The following PARM1 variants were observed in gnomAD, a reference collection of about 807,000 sequenced individuals.
PARM1 encodes the protein prostate androgen-regulated mucin-like protein 1.
In PARM1, 14 loss-of-function variants were observed where a neutral mutation model predicts 24.6. That is an observed-to-expected ratio of 0.57 (90% CI 0.38 to 0.89). PARM1 has a LOEUF of 0.89. PARM1 is among the 40% of genes least tolerant of loss of function. The probability of loss-of-function intolerance (pLI) is 0.00; values close to 1 mark genes in which losing one functional copy is unlikely to be tolerated. For synonymous variants in PARM1, 179 were observed against 156.6 expected, an observed-to-expected ratio of 1.14 and a Z score of -1.07; for missense variants, 362 against 380.4, an observed-to-expected ratio of 0.95 and a Z score of 0.40.
intron 1 of PARM1, among the ~76,000 whole-genome samples, chr4:74,985,455 A>C (rs1182981692): frequency 1.3e-5 from 2 of 152,194 alleles, no homozygotes; most frequent in Admixed American, 6.5e-5. Context: ...GGTCCATTTC[A>C]TCCTTATCAC....
intron 2 of PARM1, among the ~76,000 whole-genome samples, chr4:75,024,399 G>A (rs1723144935): frequency 6.6e-6 from 1 of 152,168 alleles, no homozygotes; most frequent in Non-Finnish European, 1.5e-5. Flanking sequence ...CCTTGGTCAA[G>A]GTGTCAGGAT....
At chr4:75,002,567 A>G (rs1424497001) in intron 1 of PARM1, among the ~76,000 whole-genome samples, 1 of 152,120 alleles carries the variant, frequency 6.6e-6, no homozygotes, top group Non-Finnish European at 1.5e-5. Flanking sequence ...GAGTGAGGAT[A>G]GGAAGGAATG....
At chr4:74,977,901 CA>C (rs556861774) in intron 1 of PARM1, among the ~76,000 whole-genome samples, 90 of 152,296 alleles carry the variant, frequency 5.9e-4, no homozygotes, top group African/African-American at 2.0e-3. Flanking sequence ...AAATCCTCTT[CA>C]GACAAACAAA....
chr4:74,961,096 A>G (rs1721765111), intron 1 of PARM1, among the ~76,000 whole-genome samples: 2 of 152,104 alleles, frequency 1.3e-5, no homozygotes, highest in Admixed American at 6.6e-5. Flanking sequence ...ATTAATAAAG[A>G]GAGAAAAAGC....
chr4:75,017,612 C>G (rs1463722067), intron 2 of PARM1, among the ~76,000 whole-genome samples: 2 of 152,132 alleles, frequency 1.3e-5, no homozygotes, highest in Admixed American at 1.3e-4. Context: ...ATCGCTTAAC[C>G]ATTTTCTGAC....
At chr4:74,957,096 C>T (rs1382208640) in intron 1 of PARM1, 1 of 152,214 alleles carries the variant, frequency 6.6e-6, no homozygotes, top group Non-Finnish European at 1.5e-5. Flanking sequence ...GAAGAGGGAA[C>T]TCACATTTAT....
At chr4:74,936,554 C>A (rs934352974) in intron 1 of PARM1, among the ~76,000 whole-genome samples, 1 of 151,340 alleles carries the variant, frequency 6.6e-6, no homozygotes, top group Non-Finnish European at 1.5e-5. Flanking sequence ...CCCGGGTTCA[C>A]GCCATTCTCC....
intron 1 of PARM1, among the ~76,000 whole-genome samples, chr4:74,986,463 ACT>A (rs907006338): frequency 5.3e-5 from 8 of 152,170 alleles, no homozygotes; most frequent in Non-Finnish European, 1.2e-4. Flanking sequence ...CCTTTGTGTT[ACT>A]CTCTCTACAT....
At chr4:74,964,720 A>C (rs1721863626) in intron 1 of PARM1, among the ~76,000 whole-genome samples, 1 of 152,162 alleles carries the variant, frequency 6.6e-6, no homozygotes, top group Non-Finnish European at 1.5e-5. Context: ...CTAGGGTCTA[A>C]TCTGTTCCTA....
chr4:74,994,913 G>A (rs1722549006), intron 1 of PARM1, among the ~76,000 whole-genome samples: 1 of 152,046 alleles, frequency 6.6e-6, no homozygotes. Context: ...CTTCAAAACT[G>A]GGAAGATGAC....
chr4:74,976,378 C>G (rs1243871937), intron 1 of PARM1, among the ~76,000 whole-genome samples: 1 of 152,194 alleles, frequency 6.6e-6, no homozygotes, highest in Non-Finnish European at 1.5e-5. Flanking sequence ...GAATCCATTC[C>G]TCCTCACAGG....
intron 2 of PARM1, among the ~76,000 whole-genome samples, chr4:75,016,055 T>A (rs900835537): frequency 2.0e-5 from 3 of 152,124 alleles, no homozygotes; most frequent in African/African-American, 7.2e-5. Context: ...TCAACAAATA[T>A]CTAAACACAG....
At chr4:75,009,568 C>CA (rs1175236654) in intron 1 of PARM1, among the ~76,000 whole-genome samples, 2 of 152,188 alleles carry the variant, frequency 1.3e-5, no homozygotes, top group African/African-American at 4.8e-5. Context: ...ATGAGTGAAG[C>CA]TGATCTTTAA....
At position 75,013,135 on chromosome 4, in the gene PARM1, C is replaced by T. The variant is rs745696418; in HGVS notation, c.754C>T (p.His252Tyr). The T allele has an allele frequency of 1.2e-6, 2 of 1,612,640 alleles. No homozygotes were observed. Among genetic ancestry groups the T allele is most frequent in the Non-Finnish European group, 1.7e-6 (2 of 1,179,284 alleles). The change falls in exon 2 of 4, where the codon CAT (histidine) becomes TAT (tyrosine). Residue 252 changes from histidine (H) to tyrosine (Y), a missense_variant. Transcript: ENST00000307428. ...FPRVIMQEVE[H>Y]ALSSGSIAAI... ...CAGGGTGATCATGCAGGAAGTAGAA[C>T]ATGCATTAAGTTCAGGTGAGTCTCT...
At chr4:74,972,173 C>G (rs1722051357) in intron 1 of PARM1, among the ~76,000 whole-genome samples, 1 of 152,192 alleles carries the variant, frequency 6.6e-6, no homozygotes, top group African/African-American at 2.4e-5. Flanking sequence ...CATGAAACTA[C>G]AGGGACAGAA....
chr4:75,003,633 T>C (rs548715319), intron 1 of PARM1, among the ~76,000 whole-genome samples: 3 of 152,230 alleles, frequency 2.0e-5, no homozygotes, highest in Non-Finnish European at 2.9e-5. Context: ...TTTTGGGGCA[T>C]ACACATTCTG....
chr4:75,033,942 G>A lies in PARM1; in HGVS notation c.829G>A (p.Ala277Thr). 1 of 1,602,226 alleles carries A rather than the reference G, an allele frequency of 6.2e-7. No homozygotes were observed. The highest frequency in any genetic ancestry group is 8.5e-7 in the Non-Finnish European group (1 of 1,174,242). Residue 277 changes from alanine to threonine, a missense_variant, in exon 3 of 4, where the codon GCA (alanine) becomes ACA (threonine). Coordinates refer to ENST00000307428, the MANE Select transcript of PARM1 (RefSeq NM_015393.4). ...IAVVLLVFGVAAYLKIRHSSY... is the reference protein window; with the variant it reads ...IAVVLLVFGVTAYLKIRHSSY... ...CGTGGTGCTGCTGGTGTTTGGAGTT[G>A]CAGCCTACCTAAAAATCAGGTGAGA... is the stretch of plus-strand genomic sequence containing the variant.
At chr4:75,001,125 A>T (rs1024089007) in intron 1 of PARM1, among the ~76,000 whole-genome samples, 1 of 152,232 alleles carries the variant, frequency 6.6e-6, no homozygotes. Context: ...TACACATAAA[A>T]TACCCAGAAT....
At chr4:74,968,181 C>A (rs1721944529) in intron 1 of PARM1, among the ~76,000 whole-genome samples, 1 of 152,254 alleles carries the variant, frequency 6.6e-6, no homozygotes, top group South Asian at 2.1e-4. Flanking sequence ...ATTTCTGTTT[C>A]TTATTTTGTC....
Sources: gnomAD v4.1 joint callset for allele counts (sites outside exome capture counted in the v4.1 genomes callset) on GRCh38, gnomAD v4.1.1 for gene constraint, MANE v1.5 for transcripts, NCBI Gene and HGNC (gene_info 2026-07-23, HGNC 2026-07-21) for gene names.